The following CHKA variants were observed in gnomAD, a reference collection of about 807,000 sequenced individuals.
CHKA encodes the protein choline kinase alpha.
CHKA carries 34 observed loss-of-function variants against 60.1 expected under a neutral mutation model. The ratio of observed to expected loss-of-function variants is 0.57; its 90% CI spans 0.43 to 0.75. The LOEUF (loss-of-function observed/expected upper bound fraction) is 0.75, where lower values mean the gene tolerates loss of function less well. Ranked by LOEUF, CHKA falls within the 30% of genes least tolerant of loss-of-function variation. The pLI is 0.00. For missense variants in CHKA, 563 were observed against 561.3 expected, an observed-to-expected ratio of 1.00 and a Z score of -0.03; for synonymous variants, 217 against 223.1, an observed-to-expected ratio of 0.97 and a Z score of 0.24.
chr11:68,066,846 G>A (rs1337523575), intron 7 of CHKA, among the ~76,000 whole-genome samples: 1 of 152,226 alleles, frequency 6.6e-6, no homozygotes, highest in East Asian at 1.9e-4. Flanking sequence ...ATGGTGGCAT[G>A]CAGGAGCTCG....
intron 1 of CHKA, 41 bp from the exon 2 acceptor site, chr11:68,097,171 T>C: frequency 6.8e-7 from 1 of 1,481,322 alleles, no homozygotes; most frequent in Middle Eastern, 1.8e-4. Flanking sequence ...TTATTGCAGG[T>C]GAGCTAAATC....
intron 1 of CHKA, among the ~76,000 whole-genome samples, chr11:68,109,182 C>T (rs555988238): frequency 3.3e-5 from 5 of 150,962 alleles, no homozygotes; most frequent in South Asian, 2.1e-4. Flanking sequence ...CTCCACCTCC[C>T]GGGTTCACAC....
Position 68,054,047 on chromosome 11 carries a change from C to G in CHKA, c.1315G>C (p.Asp439His). The change falls in exon 12 of 12, where the codon GAC becomes CAC. Residue 439 changes from aspartate (D) to histidine (H), a missense_variant and splice_region_variant. By Grantham distance (81) the Asp-to-His change is moderately conservative. Coordinates refer to ENST00000265689, the MANE Select transcript of CHKA (RefSeq NM_001277.3). ...KISSIEFGYM[D>H]YAQARFDAYF... The stretch of plus-strand genomic sequence containing the variant: ...GCATCAAACCTTGCTTGGGCGTAGT[C>G]CTAGGAGACAGCAAAGAGAAGGCCT... 6.2e-7 allele frequency: 1 copy of G among 1,612,298 alleles called. No homozygotes were observed. The highest frequency in any genetic ancestry group is 8.5e-7 in the Non-Finnish European group (1 of 1,179,124).
chr11:68,059,214 A>T (rs1329015461), intron 11 of CHKA, among the ~76,000 whole-genome samples: 1 of 152,062 alleles, frequency 6.6e-6, no homozygotes, highest in Non-Finnish European at 1.5e-5. Flanking sequence ...TTTTTCATAC[A>T]TGCCTTTATC....
chr11:68,108,374 T>G (rs1565193734), intron 1 of CHKA, among the ~76,000 whole-genome samples: 1 of 152,036 alleles, frequency 6.6e-6, no homozygotes, highest in Non-Finnish European at 1.5e-5. Context: ...CAGTCCAGTA[T>G]GTGTAAGAAG....
rs34553252 is a variant in CHKA, at chr11:68,074,774, T to C, written c.573A>G (p.Ser191=). The C allele has an allele frequency of 2.7e-5, 43 of 1,614,126 alleles. No homozygotes were observed. The African/African-American group carries it at 5.3e-4, about 20-fold the overall frequency. Residue 191 remains serine, a synonymous_variant, in exon 4 of 12, where the codon TCA becomes TCG. Transcript: ENST00000265689. ...AGATGCCATAGAGTTTTGGCCCAAG[T>C]GACCTCTCTGCGAGAATGGCAAACA... ...SVMFAILAER[S]LGPKLYGIFP...
intron 11 of CHKA, among the ~76,000 whole-genome samples, chr11:68,061,326 G>C (rs190561152): frequency 6.6e-6 from 1 of 151,594 alleles, no homozygotes; most frequent in Non-Finnish European, 1.5e-5. Flanking sequence ...GGATGGTCTC[G>C]AACTCCTGAC....
At chr11:68,116,715 A>T (rs1590889197) in intron 1 of CHKA, among the ~76,000 whole-genome samples, 1 of 142,892 alleles carries the variant, frequency 7.0e-6, no homozygotes, top group East Asian at 2.0e-4. Context: ...AGACTGTCTT[A>T]AAAAAAAAAA....
chr11:68,114,907 G>C (rs1858327933), intron 1 of CHKA, among the ~76,000 whole-genome samples: 2 of 152,112 alleles, frequency 1.3e-5, no homozygotes, highest in African/African-American at 2.4e-5. Context: ...CAGACATTAA[G>C]TAGAGGATTT....
rs761415538 is a variant in CHKA, at chr11:68,062,073, A to C, written c.1233-39T>G. On this transcript the variant is annotated intron_variant, in intron 10 of 11. Coordinates refer to ENST00000265689, the MANE Select transcript of CHKA (RefSeq NM_001277.3). ...AGCAAGAAACATATAAGAGACATACAGTATCAGTTACAGGACTGATGAAAT... is the reference window on the plus strand; with the variant it reads ...AGCAAGAAACATATAAGAGACATACCGTATCAGTTACAGGACTGATGAAAT... 10 of 1,350,934 alleles carry C rather than the reference A, an allele frequency of 7.4e-6. No homozygotes were observed. In the Admixed American group the frequency reaches 2.1e-4, roughly 28 times the overall value. The allele number at this position is 1,350,934 out of a possible 1,614,324, so 83.7% of individuals were successfully genotyped here. A position where few individuals can be genotyped will look rare whatever the true frequency, so the allele number is the denominator to read the frequency against.
rs1389308610 is a variant in CHKA, at chr11:68,097,094, T to C, written c.387A>G (p.Leu129=). The C allele has an allele frequency of 1.2e-6, 2 of 1,613,642 alleles. No homozygotes were observed. The highest frequency in any genetic ancestry group is 8.5e-7 in the Non-Finnish European group (1 of 1,179,864). ...CACCAAGGGTGGCTGTGGTGTCAGGTAGGGAGCACTGGAACAGCATGTTGC... is the reference window on the plus strand; with the variant it reads ...CACCAAGGGTGGCTGTGGTGTCAGGCAGGGAGCACTGGAACAGCATGTTGC... The part of the protein sequence containing the change: ...GLSNMLFQCS[L]PDTTATLGDE... Residue 129 remains leucine, a synonymous_variant, in exon 2 of 12, where the codon CTA becomes CTG. Transcript: ENST00000265689.
At chr11:68,081,371 C>T (rs767841537) in intron 3 of CHKA, 33 bp downstream of exon 3, 1 of 1,596,990 alleles carries the variant, frequency 6.3e-7, no homozygotes, top group Non-Finnish European at 8.6e-7. Flanking sequence ...TAGTTCACAT[C>T]TCACACAGAT....
intron 1 of CHKA, among the ~76,000 whole-genome samples, chr11:68,118,243 A>G (rs1045223409): frequency 2.6e-5 from 4 of 152,124 alleles, no homozygotes; most frequent in South Asian, 2.1e-4. Flanking sequence ...GGAGTTCAAG[A>G]CCAGCCTGGG....
At chr11:68,110,828 G>C (rs550441577) in intron 1 of CHKA, among the ~76,000 whole-genome samples, 5 of 151,850 alleles carry the variant, frequency 3.3e-5, no homozygotes, top group Non-Finnish European at 5.9e-5. Flanking sequence ...GTGAAACCCT[G>C]TCTCTACTAA....
chr11:68,097,330 G>A (rs1192394071), intron 1 of CHKA, among the ~76,000 whole-genome samples, 200 bp from the exon 2 acceptor site: 1 of 152,190 alleles, frequency 6.6e-6, no homozygotes, highest in Admixed American at 6.5e-5. Flanking sequence ...AGGTGGGGAA[G>A]CGTTTTTGAA....
Position 68,079,539 on chromosome 11 carries a change from G to T in CHKA, c.516+1865C>A, listed in dbSNP as rs183543584. On this transcript the variant is annotated intron_variant, in intron 3 of 11. Coordinates refer to ENST00000265689, the MANE Select transcript of CHKA (RefSeq NM_001277.3). ...GTAGAGACGGGGTTTCACCATGTTA[G>T]CCAGGATGGTCTCGATCTCCTGACC... 6.2e-3 allele frequency among the ~76,000 whole-genome samples: 944 copies of T among 151,988 alleles called. 13 individuals carry two copies. Among genetic ancestry groups the T allele is most frequent in the African/African-American group, 0.021 (876 of 41,432 alleles).
intron 1 of CHKA, among the ~76,000 whole-genome samples, chr11:68,106,113 C>T (rs1245176402): frequency 6.6e-6 from 1 of 152,114 alleles, no homozygotes; most frequent in Non-Finnish European, 1.5e-5. Flanking sequence ...TTTCTTCTAA[C>T]CATCTAAAAT....
intron 2 of CHKA, chr11:68,082,467 T>C (rs555618864): frequency 6.5e-6 from 1 of 152,748 alleles, no homozygotes; most frequent in South Asian, 2.1e-4. Flanking sequence ...TAACAGATTC[T>C]TGAACACCCC....
chr11:68,096,487 A>T (rs1857520421), intron 2 of CHKA, among the ~76,000 whole-genome samples: 1 of 152,206 alleles, frequency 6.6e-6, no homozygotes, highest in Non-Finnish European at 1.5e-5. Flanking sequence ...TTCAATAGGT[A>T]CTTTAAGAAT....
Sources: allele counts gnomAD v4.1 joint callset (sites outside exome capture counted in the v4.1 genomes callset), GRCh38; gene constraint gnomAD v4.1.1; transcripts MANE v1.5; gene names NCBI Gene and HGNC (gene_info 2026-07-23, HGNC 2026-07-21).